Variants in PCDHGA2 observed in about 807,000 individuals in gnomAD.
PCDHGA2 encodes protocadherin gamma subfamily A, 2.
PCDHGA2 carries 40 observed loss-of-function variants against 59.2 expected under a neutral mutation model. That is an observed-to-expected ratio of 0.68 (90% CI 0.52 to 0.88). PCDHGA2 has a LOEUF of 0.88. PCDHGA2 is among the 40% of genes least tolerant of loss of function. The pLI, the probability that PCDHGA2 is intolerant of heterozygous loss-of-function variation, is 0.00. For synonymous variants in PCDHGA2, 560 were observed against 526.0 expected (o/e 1.06, Z -0.89); for missense variants, 1,226 against 1,204.0 (o/e 1.02, Z -0.27).
chr5:141,482,601 A>T (rs1158399317), intron 1 of PCDHGA2, among the ~76,000 whole-genome samples: 1 of 152,002 alleles, frequency 6.6e-6, no homozygotes, highest in Non-Finnish European at 1.5e-5. Flanking sequence ...ACGGGAAAAA[A>T]CACCTAAATG....
chr5:141,389,836 C>T (rs1471068729), intron 1 of PCDHGA2: 2 of 1,613,874 alleles, frequency 1.2e-6, no homozygotes, highest in Non-Finnish European at 1.7e-6. Context: ...GGACAGCCAC[C>T]ACTCTCGGCC....
chr5:141,394,508 C>A (rs776107587), intron 1 of PCDHGA2: 3 of 1,614,104 alleles, frequency 1.9e-6, no homozygotes, highest in Non-Finnish European at 2.5e-6. Context: ...TCCTGTACCC[C>A]GCCCTCCCCA....
intron 2 of PCDHGA2, among the ~76,000 whole-genome samples, chr5:141,498,882 G>A (rs1287566657): frequency 6.8e-6 from 1 of 147,420 alleles, no homozygotes; most frequent in African/African-American, 2.5e-5. Context: ...GCAGTGAGCT[G>A]AGATCACACC....
In PCDHGA2 at chr5:141,490,498, T is replaced by C. The variant is rs544031284; in HGVS notation, c.2425-4309T>C. On this transcript the variant is annotated intron_variant, in intron 1 of 3. Coordinates refer to ENST00000394576, the MANE Select transcript of PCDHGA2 (RefSeq NM_018915.4). This position sits in a 1 kb window ranked among gnomAD's most constrained non-coding sequence, Gnocchi z 5.4. ...TTTGGACCGGGAGGCCACATCCCAC[T>C]ATATCATCGAGCTGCTGGCCAGCGA... 1.2e-6 allele frequency: 2 copies of C among 1,614,132 alleles called. No individual in the cohort carries two copies. Among genetic ancestry groups the C allele is most frequent in the African/African-American group, 1.3e-5 (1 of 75,038 alleles).
intron 1 of PCDHGA2, chr5:141,419,090 G>T: frequency 6.2e-7 from 1 of 1,613,922 alleles, no homozygotes; most frequent in Non-Finnish European, 8.5e-7. Flanking sequence ...TGAGGCCCTG[G>T]ATCGGGAGCA....
rs771408685 is a variant in PCDHGA2, at chr5:141,486,166, G to T, written c.2425-8641G>T. ...GCGATGGGGGTTCTCCAGCCATGGA[G>T]CAACATTGCAGCCTTCGAGTGGATC... is the stretch of plus-strand genomic sequence containing the variant. On this transcript the variant is annotated intron_variant, in intron 1 of 3. Transcript: ENST00000394576. The surrounding 1 kb of genome is among the most constrained non-coding windows in gnomAD (Gnocchi z 5.0). 1.9e-6 allele frequency: 3 copies of T among 1,614,106 alleles called. No homozygotes were observed. Among genetic ancestry groups the T allele is most frequent in the Non-Finnish European group, 2.5e-6 (3 of 1,180,048 alleles).
chr5:141,368,908 A>G (rs1325459876), intron 1 of PCDHGA2, among the ~76,000 whole-genome samples: 7 of 152,216 alleles, frequency 4.6e-5, no homozygotes, highest in Admixed American at 3.9e-4. Flanking sequence ...GTTTGTATAA[A>G]GGTGACAATG....
chr5:141,430,949 GT>G (rs1391027030), intron 1 of PCDHGA2: 5 of 1,610,510 alleles, frequency 3.1e-6, no homozygotes, highest in Non-Finnish European at 4.2e-6. Flanking sequence ...GGAGCGCGGA[GT>G]CCGCATCATC....
intron 1 of PCDHGA2, chr5:141,441,995 G>T: frequency 8.1e-6 from 2 of 246,740 alleles, no homozygotes; most frequent in Non-Finnish European, 8.0e-6. Flanking sequence ...CCGACGAGGT[G>T]CTGACAGCTC....
intron 1 of PCDHGA2, chr5:141,370,891 C>A (rs1767286127): frequency 6.2e-7 from 1 of 1,614,028 alleles, no homozygotes; most frequent in Non-Finnish European, 8.5e-7. Context: ...GGTGTCAATT[C>A]GCTGCAGCAG....
At chr5:141,478,478 A>T (rs764926007) in intron 1 of PCDHGA2, 2 of 1,613,740 alleles carry the variant, frequency 1.2e-6, no homozygotes, top group East Asian at 4.5e-5. Flanking sequence ...CCGCCAGAAC[A>T]CGCTGCGGAG....
At chr5:141,363,078 A>G (rs1338723050) in intron 1 of PCDHGA2, among the ~76,000 whole-genome samples, 1 of 152,256 alleles carries the variant, frequency 6.6e-6, no homozygotes. Flanking sequence ...TGGAATCACA[A>G]ATGTATTTCT....
At chr5:141,346,564 A>G in intron 1 of PCDHGA2, 1 of 1,461,188 alleles carries the variant, frequency 6.8e-7, no homozygotes, top group Non-Finnish European at 9.2e-7. Flanking sequence ...GGTTGTCATT[A>G]GTCCTTTGAC....
chr5:141,432,934 G>T lies in PCDHGA2; in HGVS notation c.2425-61873G>T, dbSNP rs377666802. 1.2e-6 allele frequency: 2 copies of T among 1,614,078 alleles called. No individual in the cohort carries two copies. The highest frequency in any genetic ancestry group is 1.3e-5 in the African/African-American group (1 of 74,940). On this transcript the variant is annotated intron_variant, in intron 1 of 3. Coordinates refer to ENST00000394576, the MANE Select transcript of PCDHGA2 (RefSeq NM_018915.4). This position sits in a 1 kb window ranked among gnomAD's most constrained non-coding sequence, Gnocchi z 6.0. ...GGCGCTGGCACAAGTCACGCCTGCT[G>T]CAGGCTTCAGGAGGCGGCTTGACAG...
intron 1 of PCDHGA2, chr5:141,371,345 T>A: frequency 6.2e-7 from 1 of 1,613,878 alleles, no homozygotes; most frequent in Non-Finnish European, 8.5e-7. Context: ...GCTACACAAT[T>A]GGGGTGGAAG....
In PCDHGA2 at chr5:141,374,203, G is replaced by T. The variant is rs375029709; in HGVS notation, c.2424+32808G>T. On this transcript the variant is annotated intron_variant, in intron 1 of 3. Transcript: ENST00000394576. ...GCTACTCTATTCCCGAGGAGCTGGA[G>T]AAAGGCTCCTTCGTAGGCAACATCG... 4.3e-6 allele frequency: 7 copies of T among 1,613,808 alleles called. No homozygotes were observed. The East Asian group carries it at 1.1e-4, about 26-fold the overall frequency.
At chr5:141,428,004 G>C in intron 1 of PCDHGA2, 1 of 1,601,732 alleles carries the variant, frequency 6.2e-7, no homozygotes, top group East Asian at 2.2e-5. Context: ...CGCACTCTTC[G>C]ATATAGTGCC....
intron 1 of PCDHGA2, chr5:141,409,494 C>T (rs755680835): frequency 8.1e-6 from 13 of 1,613,910 alleles, no homozygotes; most frequent in South Asian, 3.3e-5. Context: ...GGCAAGCCGC[C>T]TCTTTCTTCC....
chr5:141,376,542 C>A, intron 1 of PCDHGA2: 1 of 1,612,918 alleles, frequency 6.2e-7, no homozygotes, highest in Non-Finnish European at 8.5e-7. Flanking sequence ...GAAGAGTAAT[C>A]TGATCTTCCC....
Sources: gnomAD v4.1 joint callset for allele counts (sites outside exome capture counted in the v4.1 genomes callset) on GRCh38, gnomAD v4.1.1 for gene constraint, Gnocchi (gnomAD v3.1) non-coding constraint, MANE v1.5 for transcripts, NCBI Gene and HGNC (gene_info 2026-07-23, HGNC 2026-07-21) for gene names.